The following SV2A variants were observed in gnomAD, a reference collection of about 807,000 sequenced individuals.
SV2A encodes solute carrier family 22 member B1.
A neutral mutation model predicts 78.0 loss-of-function variants in SV2A; 25 were observed. The ratio of observed to expected loss-of-function variants is 0.32; its 90% CI spans 0.23 to 0.45. The LOEUF is 0.45. SV2A is among the 20% of genes least tolerant of loss of function. The pLI, the probability that SV2A is intolerant of heterozygous loss-of-function variation, is 1.00. For missense variants in SV2A, 752 were observed against 971.5 expected, an observed-to-expected ratio of 0.77 and a Z score of 3.00; for synonymous variants, 355 against 384.7, an observed-to-expected ratio of 0.92 and a Z score of 0.90.
At chr1:149,916,864 T>C (rs189705060) in intron 1 of SV2A, among the ~76,000 whole-genome samples, 11 of 152,112 alleles carry the variant, frequency 7.2e-5, no homozygotes, top group African/African-American at 2.7e-4. Context: ...GTTAGGAAGA[T>C]AGGAGCACCC....
chr1:149,906,862 G>T lies in SV2A; in HGVS notation c.1679-6C>A, dbSNP rs368390786. 9.9e-6 allele frequency: 16 copies of T among 1,614,010 alleles called. No homozygotes were observed. Among genetic ancestry groups the T allele is most frequent in the African/African-American group, 2.7e-5 (2 of 74,924 alleles). ...AAACTTGTACTCGAACAGGTCTGTGGGCAAAGGCCAAGATAAGCAGGCAGT... is the reference window on the plus strand; with the variant it reads ...AAACTTGTACTCGAACAGGTCTGTGTGCAAAGGCCAAGATAAGCAGGCAGT... On this transcript the variant is annotated splice_polypyrimidine_tract_variant and splice_region_variant and intron_variant, in intron 10 of 12. Transcript: ENST00000369146.
At chr1:149,909,073 G>A (rs2092457939) in intron 8 of SV2A, 119 bp downstream of exon 8, 1 of 905,184 alleles carries the variant, frequency 1.1e-6, no homozygotes, top group Admixed American at 2.0e-5. Flanking sequence ...GGATCAGAGG[G>A]GGTCTGCATG....
intron 2 of SV2A, 42 bp from the exon 3 acceptor site, chr1:149,912,022 C>T (rs1344376994): frequency 1.3e-6 from 2 of 1,585,522 alleles, no homozygotes; most frequent in Non-Finnish European, 1.7e-6. Flanking sequence ...TGTGAGCAGA[C>T]ACACCTTAAT....
intron 3 of SV2A, among the ~76,000 whole-genome samples, chr1:149,911,557 T>G (rs1323008381): frequency 6.6e-6 from 1 of 151,990 alleles, no homozygotes; most frequent in Admixed American, 6.6e-5. Context: ...AAAATGGAAC[T>G]AGAGGTGGGG....
intron 3 of SV2A, among the ~76,000 whole-genome samples, chr1:149,911,565 G>A (rs2092475488): frequency 6.6e-6 from 1 of 152,180 alleles, no homozygotes; most frequent in Non-Finnish European, 1.5e-5. Flanking sequence ...ACTAGAGGTG[G>A]GGTGGAGGAC....
rs894769482 is a variant in SV2A at position 149,911,921 on chromosome 1, G to A, written c.682C>T (p.Arg228Trp). The change falls in exon 3 of 13, where the codon CGG becomes TGG. Residue 228 changes from arginine (R) to tryptophan (W), a missense_variant. Physicochemically the swap from Arg to Trp is moderately radical, Grantham distance 101. This residue lies in a region of SV2A where 291 missense variants were observed against 359.5 expected (regional missense o/e 0.81). Transcript: ENST00000369146. The part of the protein sequence containing the change: ...GAFLWGGLAD[R>W]LGRRQCLLIS... ...AGCAGACACTGCCTCCGACCCAGCC[G>A]GTCAGCCAGACCTCCCCAGAGGAAG... is the stretch of plus-strand genomic sequence containing the variant. 9.3e-6 allele frequency: 15 copies of A among 1,614,142 alleles called. No homozygotes were observed. The East Asian group carries it at 1.1e-4, about 12-fold the overall frequency.
chr1:149,911,971 A>G lies in SV2A; in HGVS notation c.632T>C (p.Val211Ala). Residue 211 changes from valine to alanine, a missense_variant, in exon 3 of 13, where the codon GTC becomes GCC. This residue lies in a region of SV2A where 291 missense variants were observed against 359.5 expected (regional missense o/e 0.81). Transcript: ENST00000369146. ...DSNKGMLGLI[V>A]YLGMMVGAFL... ...GGCTCCCACCATCATGCCCAGGTAG[A>G]CGATGAGGCCTGGAAGGAGGAGGAA... 6.2e-7 allele frequency: 1 copy of G among 1,614,024 alleles called. No homozygotes were observed. The highest frequency in any genetic ancestry group is 8.5e-7 in the Non-Finnish European group (1 of 1,179,952).
rs2092488078 is a variant in SV2A at position 149,913,392 on chromosome 1, T to C, written c.449A>G (p.Gln150Arg). 1 of 1,613,978 alleles carries C rather than the reference T, an allele frequency of 6.2e-7. No individual in the cohort carries two copies. Among genetic ancestry groups the C allele is most frequent in the African/African-American group, 1.3e-5 (1 of 74,896 alleles). ...CTCCCGTAGGATGGCTTCATACTGT[T>C]GGGCCAGTTCTTCTCGTTCTTTCCG... ...QRRKEREELA[Q>R]QYEAILRECG... is the part of the protein sequence containing the mutation. The change falls in exon 2 of 13, where the codon CAA (glutamine) becomes CGA (arginine). Residue 150 changes from glutamine (Q) to arginine (R), a missense_variant. Physicochemically the swap from Gln to Arg is conservative, Grantham distance 43 (BLOSUM62 1). This residue lies in a region of SV2A where 291 missense variants were observed against 359.5 expected (regional missense o/e 0.81). Coordinates refer to ENST00000369146, the MANE Select transcript of SV2A (RefSeq NM_014849.5).
Position 149,913,704 on chromosome 1 carries a change from T to C in SV2A, c.137A>G (p.Tyr46Cys). ...ATCATCCTCCTCCTCAAAGCGGGAG[T>C]ACGATCTTCGGGAATATTCGTCCTG... is the stretch of plus-strand genomic sequence containing the variant. ...RVQDEYSRRS[Y>C]SRFEEEDDDD... The change falls in exon 2 of 13, where the codon TAC becomes TGC. Residue 46 changes from tyrosine to cysteine, a missense_variant. By Grantham distance (194) the Tyr-to-Cys change is radical. This residue lies in a region of SV2A where 291 missense variants were observed against 359.5 expected (regional missense o/e 0.81). Coordinates refer to ENST00000369146, the MANE Select transcript of SV2A (RefSeq NM_014849.5). 1 of 1,613,856 alleles carries C rather than the reference T, an allele frequency of 6.2e-7. No individual in the cohort carries two copies. Among genetic ancestry groups the C allele is most frequent in the Non-Finnish European group, 8.5e-7 (1 of 1,179,972 alleles).
At chr1:149,907,943 T>G in intron 9 of SV2A, 99 bp downstream of exon 9, 1 of 1,570,496 alleles carries the variant, frequency 6.4e-7, no homozygotes, top group South Asian at 1.2e-5. Flanking sequence ...AAACCACAAG[T>G]GTTTGCCCCC....
Position 149,908,153 on chromosome 1 carries a change from A to G in SV2A, c.1433T>C (p.Val478Ala), listed in dbSNP as rs1240491312. Residue 478 changes from valine to alanine, a missense_variant, in exon 9 of 13, where the codon GTG becomes GCG. Physicochemically the swap from Val to Ala is moderately conservative, Grantham distance 64. Coordinates refer to ENST00000369146, the MANE Select transcript of SV2A (RefSeq NM_014849.5). ...CACTTTGGTGCGGGATGCGTAGTCC[A>G]CTGCCTGGAGATGGCGGATCATGTC... ...FPDMIRHLQA[V>A]DYASRTKVFP... The G allele has an allele frequency of 1.2e-6, 2 of 1,614,178 alleles. No individual in the cohort carries two copies. The highest frequency in any genetic ancestry group is 1.7e-6 in the Non-Finnish European group (2 of 1,180,034).
At position 149,910,257 on chromosome 1, in the gene SV2A, G is replaced by GGAA. The variant is rs1430061528; in HGVS notation, c.1089+310_1089+312dup. ...ACCTAATCCTGCTGGGGTTAGGAGG[G>GGAA]GAAGGTATAGGGGGTGGGAATGTCT... On this transcript the variant is annotated intron_variant, in intron 5 of 12. Transcript: ENST00000369146. The surrounding 1 kb of genome is among the most constrained non-coding windows in gnomAD (Gnocchi z 4.2). Among the ~76,000 whole-genome samples, 2 of 152,204 alleles carry GGAA rather than the reference G, an allele frequency of 1.3e-5. No individual in the cohort carries two copies. Among genetic ancestry groups the GGAA allele is most frequent in the African/African-American group, 2.4e-5 (1 of 41,436 alleles).
chr1:149,913,156 T>A, intron 2 of SV2A, 63 bp downstream of exon 2: 3 of 1,567,304 alleles, frequency 1.9e-6, no homozygotes, highest in Non-Finnish European at 2.6e-6. Context: ...ACAAGAGCAA[T>A]TTCCAGGAGC....
In SV2A at chr1:149,904,736, G is replaced by T. The variant is rs1310227553; in HGVS notation, c.*278C>A. The T allele has an allele frequency of 2.8e-6, 1 of 355,220 alleles. No individual in the cohort carries two copies. The highest frequency in any genetic ancestry group is 5.1e-6 in the Non-Finnish European group (1 of 195,236). 22.0% of individuals were successfully genotyped at this position (355,220 alleles called of 1,614,324 possible). A position where few individuals can be genotyped will look rare whatever the true frequency, so the allele number is the denominator to read the frequency against. ...AGCAAGGGCCCCTCTCTAACAGGGG[G>T]AGAAGGATGGGGCTCAGCCTTCTCT... On this transcript the variant is annotated 3_prime_UTR_variant, in exon 13 of 13. Transcript: ENST00000369146.
At position 149,909,285 on chromosome 1, in the gene SV2A, AG is replaced by A. The variant is rs782098196; in HGVS notation, c.1291-6del. On this transcript the variant is annotated splice_region_variant and splice_polypyrimidine_tract_variant and intron_variant, in intron 7 of 12. Transcript: ENST00000369146. ...GGAGAGAAAATTCCCCCAAACCTACAGGGGACCAGACAAAGTCAGACCTTGA... is the reference window on the plus strand; with the variant it reads ...GGAGAGAAAATTCCCCCAAACCTACAGGGACCAGACAAAGTCAGACCTTGA... The A allele has an allele frequency of 4.2e-5, 67 of 1,613,882 alleles. No individual in the cohort carries two copies. Among genetic ancestry groups the A allele is most frequent in the Non-Finnish European group, 5.5e-5 (65 of 1,179,848 alleles).
chr1:149,909,158 C>A (rs782189751), intron 8 of SV2A, 34 bp downstream of exon 8: 3 of 1,601,154 alleles, frequency 1.9e-6, no homozygotes, highest in South Asian at 2.2e-5. Context: ...CCACCACAAC[C>A]ACCACACATC....
intron 1 of SV2A, among the ~76,000 whole-genome samples, chr1:149,916,391 T>C (rs1426352896): frequency 2.0e-5 from 3 of 152,200 alleles, no homozygotes; most frequent in African/African-American, 7.2e-5. Context: ...GTGCTATTTT[T>C]AGCCCCCAAA....
At position 149,913,868 on chromosome 1, in the gene SV2A, C is replaced by G. The variant is rs1553764198; in HGVS notation, c.-28G>C. 1.9e-6 allele frequency: 3 copies of G among 1,565,440 alleles called. No homozygotes were observed. The South Asian group carries it at 3.5e-5, about 19-fold the overall frequency. On this transcript the variant is annotated 5_prime_UTR_variant, in exon 2 of 13. Transcript: ENST00000369146. The stretch of plus-strand genomic sequence containing the variant: ...TGGGGCTTGGGGCACTTCACTGGGT[C>G]TTCTCCACCTCCTGCTTCTTTTTCA...
chr1:149,911,429 G>T (rs917059502), intron 3 of SV2A, among the ~76,000 whole-genome samples: 1 of 152,218 alleles, frequency 6.6e-6, no homozygotes, highest in African/African-American at 2.4e-5. Flanking sequence ...GTGGGTGTTA[G>T]CAAGGTTTGT....
Sources: allele counts gnomAD v4.1 joint callset (sites outside exome capture counted in the v4.1 genomes callset), GRCh38; gene constraint gnomAD v4.1.1; regional missense constraint gnomAD v4.1.1; non-coding constraint Gnocchi (gnomAD v3.1); transcripts MANE v1.5; gene names NCBI Gene and HGNC (gene_info 2026-07-23, HGNC 2026-07-21).